The following PTPRE variants were observed in gnomAD, a reference collection of about 807,000 sequenced individuals.
The protein encoded by PTPRE is receptor-type tyrosine-protein phosphatase epsilon.
PTPRE carries 51 observed loss-of-function variants against 102.0 expected under a neutral mutation model. The ratio of observed to expected loss-of-function variants is 0.50; its 90% CI spans 0.40 to 0.63. PTPRE has a LOEUF of 0.63. Among genes scored for constraint, PTPRE ranks in the 30% least tolerant of loss-of-function variants. The pLI is 0.00. For missense variants in PTPRE, 752 were observed against 915.1 expected (o/e 0.82, Z 2.30); for synonymous variants, 345 against 348.2 (o/e 0.99, Z 0.10).
chr10:128,074,887 T>C lies in PTPRE; in HGVS notation c.1599+1416T>C, dbSNP rs191523621. Among the ~76,000 whole-genome samples the C allele has an allele frequency of 7.2e-5, 11 of 152,356 alleles. No individual in the cohort carries two copies. In the East Asian group the frequency reaches 1.9e-3, roughly 27 times the overall value. ...CCATTTTACATTCCTACCAGCAATA[T>C]ATAAGGTTCTAATTTCTCCACATCC... is the stretch of plus-strand genomic sequence containing the variant. On this transcript the variant is annotated intron_variant, in intron 17 of 20. Coordinates refer to ENST00000254667, the MANE Select transcript of PTPRE (RefSeq NM_006504.6).
chr10:128,079,448 T>TG, intron 19 of PTPRE, 112 bp from the exon 20 acceptor site: 1 of 1,371,234 alleles, frequency 7.3e-7, no homozygotes. Flanking sequence ...ACTCAGATCA[T>TG]TTTCAGCGAT....
intron 2 of PTPRE, among the ~76,000 whole-genome samples, chr10:128,005,701 G>A (rs1369871028): frequency 1.3e-5 from 2 of 152,208 alleles, no homozygotes; most frequent in African/African-American, 4.8e-5. Flanking sequence ...TGGGATGTGG[G>A]GCAGAGGGAG....
At chr10:127,911,552 T>C (rs1236734967) in intron 1 of PTPRE, among the ~76,000 whole-genome samples, 4 of 152,200 alleles carry the variant, frequency 2.6e-5, no homozygotes, top group Non-Finnish European at 1.5e-5. Context: ...CTCTCAGAAC[T>C]TCACTTTGCT....
chr10:127,921,925 C>T (rs998093920), intron 1 of PTPRE, among the ~76,000 whole-genome samples: 1 of 152,126 alleles, frequency 6.6e-6, no homozygotes, highest in Non-Finnish European at 1.5e-5. Flanking sequence ...AGGCAGGCAT[C>T]GATGCTGAGT....
chr10:127,999,612 A>G (rs371229825), intron 2 of PTPRE: 1 of 985,300 alleles, frequency 1.0e-6, no homozygotes, highest in Admixed American at 6.1e-5. Flanking sequence ...ACACTGGATT[A>G]TATGCCGCCT....
At chr10:128,034,652 G>A (rs1006799108) in intron 2 of PTPRE, among the ~76,000 whole-genome samples, 1 of 152,192 alleles carries the variant, frequency 6.6e-6, no homozygotes, top group African/African-American at 2.4e-5. Context: ...AGCCAGTCTG[G>A]CAACAGAGTG....
At chr10:127,970,592 T>G (rs1850652680) in intron 1 of PTPRE, among the ~76,000 whole-genome samples, 1 of 151,974 alleles carries the variant, frequency 6.6e-6, no homozygotes, top group Non-Finnish European at 1.5e-5. Flanking sequence ...TGCTGAGCCG[T>G]GGATTACACA....
chr10:127,948,215 A>G (rs1848761473), intron 1 of PTPRE, among the ~76,000 whole-genome samples: 3 of 151,450 alleles, frequency 2.0e-5, no homozygotes, highest in Non-Finnish European at 2.9e-5. Flanking sequence ...ACACACCATC[A>G]CCCCCTCCTT....
intron 1 of PTPRE, among the ~76,000 whole-genome samples, chr10:127,954,109 G>C (rs1311455681): frequency 6.6e-6 from 1 of 152,174 alleles, no homozygotes; most frequent in East Asian, 1.9e-4. Context: ...GGTAGAAAAT[G>C]ACCTGTTCTG....
intron 2 of PTPRE, among the ~76,000 whole-genome samples, chr10:127,982,574 G>T (rs1851728283): frequency 2.0e-5 from 3 of 151,406 alleles, no homozygotes; most frequent in African/African-American, 7.3e-5. Context: ...TATTGTTGAG[G>T]ACACAATTTC....
intron 2 of PTPRE, among the ~76,000 whole-genome samples, chr10:128,016,128 T>C (rs1229424566): frequency 6.6e-6 from 1 of 152,140 alleles, no homozygotes; most frequent in Non-Finnish European, 1.5e-5. Context: ...CAGATGTTCC[T>C]CCAGGGGACC....
chr10:127,910,177 T>A (rs184289328), intron 1 of PTPRE, among the ~76,000 whole-genome samples: 5 of 152,318 alleles, frequency 3.3e-5, no homozygotes, highest in Admixed American at 1.3e-4. Flanking sequence ...AAAACTACAG[T>A]TCTAAGAACA....
At chr10:127,961,654 G>A (rs1008103614) in intron 1 of PTPRE, among the ~76,000 whole-genome samples, 2 of 152,210 alleles carry the variant, frequency 1.3e-5, no homozygotes, top group African/African-American at 4.8e-5. Context: ...GAGAGAAAGC[G>A]GGCCGCTAGG....
At chr10:127,941,776 A>T (rs1848263878) in intron 1 of PTPRE, among the ~76,000 whole-genome samples, 1 of 151,772 alleles carries the variant, frequency 6.6e-6, no homozygotes, top group African/African-American at 2.4e-5. Flanking sequence ...CATCTCACTA[A>T]AGCTCCCACT....
At chr10:127,981,615 C>T (rs1044674779) in intron 1 of PTPRE, among the ~76,000 whole-genome samples, 1 of 151,986 alleles carries the variant, frequency 6.6e-6, no homozygotes, top group African/African-American at 2.4e-5. Context: ...GCCAGGAGTT[C>T]GAGACTAGCC....
chr10:128,044,813 G>A (rs1343075292), intron 3 of PTPRE, among the ~76,000 whole-genome samples: 3 of 152,244 alleles, frequency 2.0e-5, no homozygotes, highest in African/African-American at 7.2e-5. Flanking sequence ...GGTGCCCAGA[G>A]GACATATTTT....
intron 1 of PTPRE, among the ~76,000 whole-genome samples, chr10:127,979,296 C>T (rs115718144): frequency 5.1e-4 from 77 of 152,334 alleles, no homozygotes; most frequent in African/African-American, 1.9e-3. Context: ...CCCCAACCCC[C>T]AGCTTTTAAA....
chr10:127,989,999 G>A (rs1852471743), intron 2 of PTPRE, among the ~76,000 whole-genome samples: 1 of 152,204 alleles, frequency 6.6e-6, no homozygotes, highest in Admixed American at 6.5e-5. Flanking sequence ...ATTGAAAAAT[G>A]AAGTGGTTGA....
intron 1 of PTPRE, among the ~76,000 whole-genome samples, chr10:127,921,199 C>T (rs1027733453): frequency 6.6e-6 from 1 of 152,242 alleles, no homozygotes; most frequent in East Asian, 1.9e-4. Context: ...GAGTGCCAGC[C>T]AGATCCTGCT....
Sources: gnomAD v4.1 joint callset for allele counts (sites outside exome capture counted in the v4.1 genomes callset) on GRCh38, gnomAD v4.1.1 for gene constraint, MANE v1.5 for transcripts, NCBI Gene and HGNC (gene_info 2026-07-23, HGNC 2026-07-21) for gene names.